MAP7: variants seen among roughly 807,000 people sequenced by gnomAD.
The protein encoded by MAP7 is microtubule associated protein 7, also known as ensconsin.
Under a neutral mutation model 94.8 loss-of-function variants are expected in MAP7, and 52 were observed. The ratio of observed to expected loss-of-function variants is 0.55; its 90% CI spans 0.44 to 0.69. The LOEUF (loss-of-function observed/expected upper bound fraction) is 0.69, where lower values mean the gene tolerates loss of function less well. Among genes scored for constraint, MAP7 ranks in the 30% least tolerant of loss-of-function variants. The probability of loss-of-function intolerance (pLI) is 0.00; values close to 1 mark genes in which losing one functional copy is unlikely to be tolerated. For missense variants in MAP7, 940 were observed against 964.6 expected, an observed-to-expected ratio of 0.97 and a Z score of 0.34; for synonymous variants, 350 against 357.0, an observed-to-expected ratio of 0.98 and a Z score of 0.22.
At chr6:136,352,241 G>A (rs1245051745) in intron 16 of MAP7, among the ~76,000 whole-genome samples, 1 of 149,488 alleles carries the variant, frequency 6.7e-6, no homozygotes, top group African/African-American at 2.5e-5. Flanking sequence ...AGGGTGGAGT[G>A]CAGGGGCATG....
chr6:136,521,340 T>G (rs1453556690), intron 1 of MAP7, among the ~76,000 whole-genome samples: 1 of 152,194 alleles, frequency 6.6e-6, no homozygotes, highest in Non-Finnish European at 1.5e-5. Context: ...GATGTCATAG[T>G]GGCACGCTAT....
At chr6:136,408,302 C>T (rs1389789558) in intron 3 of MAP7, among the ~76,000 whole-genome samples, 1 of 152,024 alleles carries the variant, frequency 6.6e-6, no homozygotes, top group Admixed American at 6.6e-5. Context: ...AAGAATTATG[C>T]CTGATTTTGT....
At chr6:136,400,996 T>C (rs557014529) in intron 3 of MAP7, among the ~76,000 whole-genome samples, 2 of 152,328 alleles carry the variant, frequency 1.3e-5, no homozygotes, top group African/African-American at 2.4e-5. Context: ...GTTTCCCTCA[T>C]GCATGGTGCA....
At chr6:136,531,098 C>A (rs1430437975) in intron 1 of MAP7, among the ~76,000 whole-genome samples, 1 of 144,944 alleles carries the variant, frequency 6.9e-6, no homozygotes, top group Admixed American at 6.7e-5. Context: ...AATGGAATGC[C>A]TCTCAGCCCT....
At chr6:136,518,656 T>C (rs1825550383) in intron 1 of MAP7, among the ~76,000 whole-genome samples, 1 of 152,188 alleles carries the variant, frequency 6.6e-6, no homozygotes, top group South Asian at 2.1e-4. Context: ...CCTTCATTGC[T>C]CTTAAGTTTC....
At chr6:136,480,913 G>A (rs1812662318) in intron 1 of MAP7, among the ~76,000 whole-genome samples, 1 of 152,074 alleles carries the variant, frequency 6.6e-6, no homozygotes, top group South Asian at 2.1e-4. Flanking sequence ...AGCACAAACA[G>A]CTCTATAGGA....
chr6:136,489,950 T>G (rs761250265), intron 1 of MAP7, among the ~76,000 whole-genome samples: 4 of 152,166 alleles, frequency 2.6e-5, no homozygotes, highest in Admixed American at 6.5e-5. Context: ...ATAAGACACT[T>G]GTGAACTGAA....
intron 1 of MAP7, among the ~76,000 whole-genome samples, chr6:136,446,930 T>G (rs1041362105): frequency 8.5e-5 from 13 of 152,168 alleles, no homozygotes; most frequent in Admixed American, 7.9e-4. Flanking sequence ...ATTTAAGCAT[T>G]TATACTGTAA....
chr6:136,402,905 C>CAAAAAAA (rs57114676), intron 3 of MAP7, among the ~76,000 whole-genome samples: 9 of 67,398 alleles, frequency 1.3e-4, no homozygotes, highest in South Asian at 7.7e-4. Context: ...GACTCTGTCT[C>CAAAAAAA]AAAAAAAAAA....
chr6:136,358,590 CAAT>C (rs1010122310), intron 15 of MAP7, among the ~76,000 whole-genome samples: 1 of 152,080 alleles, frequency 6.6e-6, no homozygotes, highest in East Asian at 1.9e-4. Context: ...CCCAAAATAC[CAAT>C]AATACTTTAC....
chr6:136,546,312 C>T (rs1829735583), intron 1 of MAP7, among the ~76,000 whole-genome samples: 2 of 145,132 alleles, frequency 1.4e-5, no homozygotes, highest in African/African-American at 5.1e-5. Flanking sequence ...TGCCTCTGGC[C>T]TTTTTTTTTT....
intron 1 of MAP7, among the ~76,000 whole-genome samples, chr6:136,491,377 G>C (rs1386053751): frequency 6.6e-6 from 1 of 152,186 alleles, no homozygotes; most frequent in East Asian, 1.9e-4. Context: ...AAAGACAGAT[G>C]ACAACCAGCA....
chr6:136,526,904 C>A (rs1827993124), intron 1 of MAP7, among the ~76,000 whole-genome samples: 1 of 152,098 alleles, frequency 6.6e-6, no homozygotes, highest in Admixed American at 6.5e-5. Flanking sequence ...GTCATGAGGG[C>A]CACCAGTGCC....
At chr6:136,456,821 AG>A (rs67002678) in intron 1 of MAP7, among the ~76,000 whole-genome samples, 3,478 of 47,542 alleles carry the variant, frequency 0.073, 154 homozygotes, top group East Asian at 0.2. Context: ...AAGAAGAAGA[AG>A]GAAGAAGAAG....
intron 1 of MAP7, among the ~76,000 whole-genome samples, chr6:136,435,893 CAT>C (rs1002416062): frequency 3.3e-5 from 5 of 152,140 alleles, no homozygotes; most frequent in Non-Finnish European, 5.9e-5. Context: ...TAACTATACA[CAT>C]GTTTTTCATA....
At chr6:136,527,541 ACT>A (rs1828083178) in intron 1 of MAP7, among the ~76,000 whole-genome samples, 1 of 151,936 alleles carries the variant, frequency 6.6e-6, no homozygotes, top group African/African-American at 2.4e-5. Context: ...AATTCACTTA[ACT>A]CTCTCAGTGC....
intron 2 of MAP7, among the ~76,000 whole-genome samples, chr6:136,419,215 T>C (rs968121762): frequency 5.3e-5 from 8 of 152,178 alleles, no homozygotes; most frequent in Non-Finnish European, 1.0e-4. Flanking sequence ...GATTATGTCT[T>C]TTAATAATAT....
chr6:136,385,647 T>C (rs1778996582), intron 5 of MAP7, among the ~76,000 whole-genome samples: 1 of 152,214 alleles, frequency 6.6e-6, no homozygotes, highest in African/African-American at 2.4e-5. Context: ...AAATCTGCCA[T>C]AAATTGTTAA....
chr6:136,410,011 C>A (rs539945606), intron 3 of MAP7, among the ~76,000 whole-genome samples: 18 of 152,240 alleles, frequency 1.2e-4, no homozygotes, highest in Admixed American at 5.2e-4. Context: ...AGTCTTACAC[C>A]TTTATAGTAT....
Sources: allele counts gnomAD v4.1 joint callset (sites outside exome capture counted in the v4.1 genomes callset), GRCh38; gene constraint gnomAD v4.1.1; transcripts MANE v1.5; gene names NCBI Gene and HGNC (gene_info 2026-07-23, HGNC 2026-07-21).